Variants in EIF2B3 observed in about 807,000 individuals in gnomAD.
EIF2B3 encodes the protein translation initiation factor eIF2B subunit gamma.
EIF2B3 carries 20 observed loss-of-function variants against 54.1 expected under a neutral mutation model. That is an observed-to-expected ratio of 0.37 (90% confidence interval 0.26 to 0.54). The LOEUF (loss-of-function observed/expected upper bound fraction) is 0.54. EIF2B3 is among the 20% of genes least tolerant of loss of function. The probability of loss-of-function intolerance (pLI) is 0.86; values close to 1 mark genes in which losing one functional copy is unlikely to be tolerated. For synonymous variants in EIF2B3, 153 were observed against 188.1 expected, an observed-to-expected ratio of 0.81 and a Z score of 1.52; for missense variants, 448 against 547.8, an observed-to-expected ratio of 0.82 and a Z score of 1.82.
chr1:44,906,657 C>T (rs1017440654), intron 5 of EIF2B3, among the ~76,000 whole-genome samples: 1 of 152,178 alleles, frequency 6.6e-6, no homozygotes, highest in Non-Finnish European at 1.5e-5. Context: ...ACCTCGGCCT[C>T]CCAAAGTGCT....
intron 3 of EIF2B3, among the ~76,000 whole-genome samples, chr1:44,966,161 C>T (rs1047865294): frequency 2.6e-5 from 4 of 151,102 alleles, no homozygotes; most frequent in Admixed American, 6.6e-5. Context: ...AAATGAAGGC[C>T]GGGCGCAGTG....
chr1:44,977,278 T>C (rs925074943), intron 3 of EIF2B3, among the ~76,000 whole-genome samples: 11 of 152,312 alleles, frequency 7.2e-5, no homozygotes, highest in Non-Finnish European at 1.5e-4. Flanking sequence ...GCTCCTTAGT[T>C]TCTTAACCAA....
chr1:44,913,831 A>AT (rs879440088), intron 5 of EIF2B3, among the ~76,000 whole-genome samples: 101 of 138,942 alleles, frequency 7.3e-4, no homozygotes, highest in Middle Eastern at 3.8e-3. Flanking sequence ...TAAATTGGGA[A>AT]TTTTTTTTTT....
intron 3 of EIF2B3, among the ~76,000 whole-genome samples, chr1:44,942,418 T>TATACATACATATATATA (rs1553177413): frequency 3.7e-4 from 3 of 8,102 alleles, no homozygotes; most frequent in African/African-American, 2.0e-3. Flanking sequence ...TATATATATA[T>TATACATACATATATATA]TTTTTTTTTT....
At chr1:44,943,417 T>TATCTATATCTATATCTATATCTAC (rs1261911845) in intron 3 of EIF2B3, among the ~76,000 whole-genome samples, 3 of 138,060 alleles carry the variant, frequency 2.2e-5, no homozygotes, top group Non-Finnish European at 1.6e-5. Flanking sequence ...TCTATATCTA[T>TATCTATATCTATATCTATATCTAC]ATCTAAATTT....
chr1:44,958,423 C>A (rs2148952637), intron 3 of EIF2B3: 6 of 547,166 alleles, frequency 1.1e-5, no homozygotes, highest in East Asian at 9.1e-5. Flanking sequence ...TTTTAAGAGA[C>A]CGAAACCAGA....
intron 5 of EIF2B3, among the ~76,000 whole-genome samples, chr1:44,904,946 A>G (rs1643386197): frequency 6.6e-6 from 1 of 152,168 alleles, no homozygotes; most frequent in African/African-American, 2.4e-5. Flanking sequence ...TGAAATAATC[A>G]AGTTTTCTCA....
chr1:44,866,281 C>T (rs760225054), intron 10 of EIF2B3, among the ~76,000 whole-genome samples: 73 of 151,828 alleles, frequency 4.8e-4, no homozygotes, highest in Non-Finnish European at 3.7e-4. Flanking sequence ...GCCCGTAGTC[C>T]CAGCTACTCG....
At position 44,981,705 on chromosome 1, in the gene EIF2B3, G is replaced by A. The variant is rs530646350; in HGVS notation, c.-9-528C>T. Reference sequence around the variant, plus strand: ...AATCCCAGCACTTTGGGAGGCTGAGGTGTGTGGATCACATGAGCTCAGGAG... The same window carrying A: ...AATCCCAGCACTTTGGGAGGCTGAGATGTGTGGATCACATGAGCTCAGGAG... On this transcript the variant is annotated intron_variant, in intron 1 of 11. Coordinates refer to ENST00000360403, the MANE Select transcript of EIF2B3 (RefSeq NM_020365.5). Among the ~76,000 whole-genome samples the A allele has an allele frequency of 6.6e-5, 10 of 152,222 alleles. No homozygotes were observed. In the South Asian group the frequency reaches 2.1e-3, roughly 32 times the overall value.
At chr1:44,950,717 C>G (rs1364026728) in intron 3 of EIF2B3, among the ~76,000 whole-genome samples, 1 of 152,062 alleles carries the variant, frequency 6.6e-6, no homozygotes, top group Admixed American at 6.6e-5. Flanking sequence ...AGACAAGAGT[C>G]TTGCTCTATC....
intron 6 of EIF2B3, among the ~76,000 whole-genome samples, chr1:44,888,034 C>T (rs980319669): frequency 6.6e-5 from 10 of 152,160 alleles, no homozygotes; most frequent in East Asian, 1.9e-4. Flanking sequence ...ACTTTGGATA[C>T]GTAATGGGGA....
intron 3 of EIF2B3, among the ~76,000 whole-genome samples, chr1:44,968,103 C>T (rs1644364448): frequency 6.6e-6 from 1 of 151,486 alleles, no homozygotes; most frequent in Admixed American, 6.6e-5. Flanking sequence ...TGACTCTTGC[C>T]TGTAAATCCC....
At chr1:44,905,913 C>G (rs572467139) in intron 5 of EIF2B3, among the ~76,000 whole-genome samples, 1 of 152,196 alleles carries the variant, frequency 6.6e-6, no homozygotes, top group Non-Finnish European at 1.5e-5. Flanking sequence ...CAGAATCACA[C>G]TGCTGTTCAC....
intron 3 of EIF2B3, among the ~76,000 whole-genome samples, chr1:44,967,211 C>T (rs1280335614): frequency 6.6e-6 from 1 of 150,704 alleles, no homozygotes; most frequent in East Asian, 2.0e-4. Context: ...CTTTGGGAGG[C>T]TGAGGCAGGC....
chr1:44,922,651 C>T (rs193219675), intron 5 of EIF2B3, among the ~76,000 whole-genome samples: 1,890 of 148,844 alleles, frequency 0.013, 19 homozygotes, highest in Non-Finnish European at 0.02. Context: ...TGTAACAATA[C>T]TGATTTTTTC....
chr1:44,873,968 G>C (rs1475240649), intron 10 of EIF2B3, among the ~76,000 whole-genome samples: 1 of 149,932 alleles, frequency 6.7e-6, no homozygotes, highest in Non-Finnish European at 1.5e-5. Flanking sequence ...TTTAGATTTT[G>C]GATTTTTTAA....
chr1:44,930,723 C>G (rs956648059), intron 4 of EIF2B3, among the ~76,000 whole-genome samples: 1 of 152,220 alleles, frequency 6.6e-6, no homozygotes, highest in South Asian at 2.1e-4. Flanking sequence ...TCACTGCAAC[C>G]TCCGCCTCTC....
intron 3 of EIF2B3, chr1:44,970,179 CA>C (rs1253129838): frequency 1.3e-5 from 2 of 152,064 alleles, no homozygotes; most frequent in Admixed American, 1.3e-4. Context: ...CATAACTTAG[CA>C]AATATGGTAT....
chr1:44,865,965 C>T (rs1654766394), intron 10 of EIF2B3, among the ~76,000 whole-genome samples: 1 of 152,090 alleles, frequency 6.6e-6, no homozygotes, highest in African/African-American at 2.4e-5. Context: ...AGAGGGATCT[C>T]TTAACAGATA....
Sources: allele counts gnomAD v4.1 joint callset (sites outside exome capture counted in the v4.1 genomes callset), GRCh38; gene constraint gnomAD v4.1.1; transcripts MANE v1.5; gene names NCBI Gene and HGNC (gene_info 2026-07-23, HGNC 2026-07-21).